The following DNAJC1 variants were observed in gnomAD, a reference collection of about 807,000 sequenced individuals.
DNAJC1 encodes dnaJ homolog subfamily C member 1.
DNAJC1 carries 58 observed loss-of-function variants against 76.6 expected under a neutral mutation model. The observed-to-expected ratio is 0.76, with a 90% confidence interval of 0.61 to 0.94. The LOEUF (loss-of-function observed/expected upper bound fraction) is 0.94, where lower values mean the gene tolerates loss of function less well. Among genes scored for constraint, DNAJC1 ranks in the 40% least tolerant of loss-of-function variants. The pLI is 0.00. For missense variants in DNAJC1, 689 were observed against 677.3 expected, an observed-to-expected ratio of 1.02 and a Z score of -0.19; for synonymous variants, 258 against 267.9, an observed-to-expected ratio of 0.96 and a Z score of 0.36.
intron 9 of DNAJC1, among the ~76,000 whole-genome samples, chr10:21,788,966 G>A (rs899407906): frequency 4.6e-5 from 7 of 152,124 alleles, no homozygotes; most frequent in African/African-American, 1.7e-4. Context: ...CAGAGAGCAA[G>A]CTTGCACCCC....
chr10:21,856,756 G>A (rs1205741937), intron 8 of DNAJC1, among the ~76,000 whole-genome samples: 4 of 150,604 alleles, frequency 2.7e-5, no homozygotes, highest in Non-Finnish European at 4.4e-5. Flanking sequence ...TTTTTTTTGA[G>A]ACAGAGTCTC....
chr10:21,934,231 CTAAA>C (rs973225536), intron 1 of DNAJC1, among the ~76,000 whole-genome samples: 7 of 150,048 alleles, frequency 4.7e-5, no homozygotes, highest in South Asian at 4.2e-4. Flanking sequence ...AAAAAAAAAA[CTAAA>C]TAATTTTAAA....
intron 1 of DNAJC1, among the ~76,000 whole-genome samples, chr10:21,953,850 A>AG (rs1176613735): frequency 5.5e-4 from 79 of 144,570 alleles, no homozygotes; most frequent in Non-Finnish European, 9.3e-4. Flanking sequence ...AAAAAAGAAG[A>AG]GGAAAAAAAA....
intron 1 of DNAJC1, among the ~76,000 whole-genome samples, chr10:21,999,127 C>T (rs1034928957): frequency 6.6e-6 from 1 of 152,184 alleles, no homozygotes; most frequent in African/African-American, 2.4e-5. Flanking sequence ...ATATGGATAT[C>T]TCAAAAGAAT....
chr10:21,892,339 A>G (rs1360196383), intron 7 of DNAJC1, among the ~76,000 whole-genome samples: 1 of 150,388 alleles, frequency 6.6e-6, no homozygotes, highest in Non-Finnish European at 1.5e-5. Context: ...TGGTTTAAAT[A>G]CACAAATTGT....
intron 1 of DNAJC1, among the ~76,000 whole-genome samples, chr10:21,937,802 T>C (rs1055579167): frequency 3.9e-5 from 6 of 152,092 alleles, no homozygotes; most frequent in Non-Finnish European, 8.8e-5. Context: ...CAGAAATCAA[T>C]GACAAAAGGA....
chr10:21,975,681 T>C (rs1467368709), intron 1 of DNAJC1, among the ~76,000 whole-genome samples: 2 of 152,224 alleles, frequency 1.3e-5, no homozygotes, highest in African/African-American at 2.4e-5. Flanking sequence ...CTGATAAGTG[T>C]TAGGACCAAA....
chr10:21,944,425 A>G (rs1837471949), intron 1 of DNAJC1, among the ~76,000 whole-genome samples: 1 of 152,188 alleles, frequency 6.6e-6, no homozygotes, highest in Non-Finnish European at 1.5e-5. Context: ...TAAGTTTTTC[A>G]TAGTATGGTT....
At chr10:21,959,778 T>G (rs1837755768) in intron 1 of DNAJC1, among the ~76,000 whole-genome samples, 1 of 127,672 alleles carries the variant, frequency 7.8e-6, no homozygotes. Flanking sequence ...AGAGGGAGAC[T>G]CCATCTCAAA....
chr10:21,936,270 T>C (rs953003650), intron 1 of DNAJC1, among the ~76,000 whole-genome samples: 1 of 152,212 alleles, frequency 6.6e-6, no homozygotes, highest in African/African-American at 2.4e-5. Context: ...ATGTTGTACC[T>C]TGATCTTGGA....
chr10:21,948,813 A>C (rs1837548537), intron 1 of DNAJC1, among the ~76,000 whole-genome samples: 1 of 152,158 alleles, frequency 6.6e-6, no homozygotes, highest in South Asian at 2.1e-4. Context: ...GTTAAGGTTC[A>C]AAAAAAGCTT....
intron 8 of DNAJC1, among the ~76,000 whole-genome samples, chr10:21,841,123 A>C (rs1282315906): frequency 2.0e-5 from 3 of 152,224 alleles, no homozygotes; most frequent in Non-Finnish European, 4.4e-5. Flanking sequence ...TAAAGATTTA[A>C]ATGTTAGACC....
At chr10:21,757,240 G>A (rs900077610) in intron 11 of DNAJC1, among the ~76,000 whole-genome samples, 1 of 152,112 alleles carries the variant, frequency 6.6e-6, no homozygotes, top group Non-Finnish European at 1.5e-5. Context: ...ACTCATTCCT[G>A]CTCCTCCTGG....
At chr10:21,952,459 T>C (rs568036358) in intron 1 of DNAJC1, among the ~76,000 whole-genome samples, 2 of 152,290 alleles carry the variant, frequency 1.3e-5, no homozygotes, top group South Asian at 4.1e-4. Flanking sequence ...TCTTTTTGTT[T>C]TTTTAAAGAC....
intron 8 of DNAJC1, among the ~76,000 whole-genome samples, chr10:21,808,914 C>T (rs1834922930): frequency 6.6e-6 from 1 of 152,080 alleles, no homozygotes; most frequent in Admixed American, 6.6e-5. Context: ...ATCAGAAAAG[C>T]CCATTCTGGG....
intron 8 of DNAJC1, among the ~76,000 whole-genome samples, chr10:21,842,588 T>C (rs575959789): frequency 1.1e-4 from 16 of 152,304 alleles, no homozygotes; most frequent in African/African-American, 3.8e-4. Flanking sequence ...CAAGGTCCTG[T>C]AGATAGCTAT....
intron 1 of DNAJC1, among the ~76,000 whole-genome samples, chr10:21,948,232 A>G (rs1270419502): frequency 6.6e-6 from 1 of 152,070 alleles, no homozygotes; most frequent in Non-Finnish European, 1.5e-5. Flanking sequence ...CTGGGATTAC[A>G]GGCATGAGCC....
chr10:21,759,101 G>T, intron 11 of DNAJC1, 69 bp downstream of exon 11: 3 of 1,456,790 alleles, frequency 2.1e-6, no homozygotes, highest in African/African-American at 1.4e-5. Context: ...GAAGCTGCAG[G>T]CAGACAAGCT....
intron 8 of DNAJC1, among the ~76,000 whole-genome samples, chr10:21,815,695 G>C (rs1160603118): frequency 6.6e-6 from 1 of 151,476 alleles, no homozygotes; most frequent in Non-Finnish European, 1.5e-5. Flanking sequence ...AGTGATTAGA[G>C]TATCCTAAGA....
Sources: allele counts gnomAD v4.1 joint callset (sites outside exome capture counted in the v4.1 genomes callset), GRCh38; gene constraint gnomAD v4.1.1; transcripts MANE v1.5; gene names NCBI Gene and HGNC (gene_info 2026-07-23, HGNC 2026-07-21).